Variants in NPSR1 observed in about 807,000 individuals in gnomAD.
The protein encoded by NPSR1 is neuropeptide S receptor.
In NPSR1, 48 loss-of-function variants were observed where a neutral mutation model predicts 46.9. That is an observed-to-expected ratio of 1.02 (90% confidence interval 0.81 to 1.30). The LOEUF (loss-of-function observed/expected upper bound fraction) is 1.30. NPSR1 is among the 50% of genes most tolerant of loss of function. NPSR1 has a pLI of 0.00. For missense variants in NPSR1, 450 were observed against 449.5 expected (o/e 1.00, Z -0.01); for synonymous variants, 176 against 168.1 (o/e 1.05, Z -0.36).
rs181603467 is a variant in NPSR1 at position 34,867,901 on chromosome 7, G to A, written c.1026-10175G>A. 5.9e-3 allele frequency among the ~76,000 whole-genome samples: 894 copies of A among 151,922 alleles called. 36 individuals carry two copies. The highest frequency in any genetic ancestry group is 0.021 in the African/African-American group (847 of 41,200). On this transcript the variant is annotated intron_variant, in intron 8 of 8. Coordinates refer to the NPSR1 transcript ENST00000359791. ...ATAAATAAAGTAATAAGGTATGCCT[G>A]CCCTAAATGGAGAAAGTCCAGCCAG...
chr7:34,811,862 AGGTGAGCT>A lies in NPSR1; in HGVS notation c.478+2_478+9del. On this transcript the variant is annotated splice_donor_variant and splice_donor_5th_base_variant and coding_sequence_variant and intron_variant, in exon 4 of 9. Transcript: ENST00000360581. LOFTEE classifies it high-confidence loss of function. ...TCTACCCCATGAAGTTCCTTCAAGG[AGGTGAGCT>A]GGCTTTACCAGGTGCTCTTTCATAA... 6.2e-7 allele frequency: 1 copy of A among 1,609,690 alleles called. No homozygotes were observed. Among genetic ancestry groups the A allele is most frequent in the Non-Finnish European group, 8.5e-7 (1 of 1,176,622 alleles).
chr7:34,676,031 G>A (rs537864957), intron 1 of NPSR1, among the ~76,000 whole-genome samples: 16 of 152,250 alleles, frequency 1.1e-4, no homozygotes, highest in African/African-American at 3.8e-4. Flanking sequence ...GGTGGGGGGT[G>A]GGTAGGGAGA....
intron 2 of NPSR1, chr7:34,758,397 C>T (rs1248419643): frequency 6.6e-6 from 1 of 152,186 alleles, no homozygotes; most frequent in Non-Finnish European, 1.5e-5. Flanking sequence ...AAAGCCTATA[C>T]TGGTCTGAAC....
rs148259985 is a variant in NPSR1 at position 34,876,771 on chromosome 7, T to C, written c.1026-1305T>C. ...TGAGTCATGACCTCTATGGGACCAC[T>C]TTCCTACTCAGCCTCTGTCTGAGAC... On this transcript the variant is annotated intron_variant, in intron 8 of 8. Coordinates refer to the NPSR1 transcript ENST00000359791. 7.0e-3 allele frequency among the ~76,000 whole-genome samples: 1,061 copies of C among 152,340 alleles called. 18 individuals carry two copies. The highest frequency in any genetic ancestry group is 0.024 in the African/African-American group (1,003 of 41,574).
At chr7:34,853,973 A>C (rs530551926), downstream of NPSR1, among the ~76,000 whole-genome samples, 9 of 151,834 alleles carry the variant, frequency 5.9e-5, no homozygotes, top group East Asian at 3.9e-4. Context: ...CCTGGAAAAA[A>C]AAAAAACAAA....
At chr7:34,811,910 G>T in intron 4 of NPSR1, 47 bp downstream of exon 4, 1 of 1,194,786 alleles carries the variant, frequency 8.4e-7, no homozygotes, top group Non-Finnish European at 1.2e-6. Context: ...CTGTCCTTGA[G>T]TGAGGGTAGG....
intron 2 of NPSR1, among the ~76,000 whole-genome samples, chr7:34,727,279 G>A (rs1250423184): frequency 1.3e-5 from 2 of 152,134 alleles, no homozygotes; most frequent in Non-Finnish European, 2.9e-5. Context: ...CACATGTGCA[G>A]CCTTTTAAAA....
Position 34,834,455 on chromosome 7 carries a change from G to C in NPSR1, c.752G>C (p.Cys251Ser), listed in dbSNP as rs1217772905. 9 of 1,608,554 alleles carry C rather than the reference G, an allele frequency of 5.6e-6. No homozygotes were observed. Among genetic ancestry groups the C allele is most frequent in the Non-Finnish European group, 7.7e-6 (9 of 1,175,148 alleles). Residue 251 changes from cysteine to serine, a missense_variant, in exon 6 of 9, where the codon TGC becomes TCC. Cys to Ser is a moderately radical substitution (Grantham distance 112). Transcript: ENST00000360581. The stretch of plus-strand genomic sequence containing the variant: ...ACCTACGAAACAGTGATTTCCAACT[G>C]CTCAGGTAAGTCTCTACTCTGCATG... The part of the protein sequence containing the change: ...SKTYETVISN[C>S]SDGKLCSSYN...
intron 1 of NPSR1, among the ~76,000 whole-genome samples, chr7:34,679,020 T>C (rs1392216832): frequency 6.6e-6 from 1 of 152,160 alleles, no homozygotes; most frequent in Non-Finnish European, 1.5e-5. Flanking sequence ...TCTTAATTAA[T>C]TTTATTTCTC....
intron 3 of NPSR1, among the ~76,000 whole-genome samples, chr7:34,796,760 G>A (rs191110641): frequency 1.3e-5 from 2 of 152,180 alleles, no homozygotes; most frequent in South Asian, 2.1e-4. Context: ...CCACTTCAGC[G>A]ACAGTTTAGT....
chr7:34,733,270 A>G (rs776398882), intron 2 of NPSR1, among the ~76,000 whole-genome samples: 2 of 152,080 alleles, frequency 1.3e-5, no homozygotes, highest in Admixed American at 1.3e-4. Flanking sequence ...AAATACAAAA[A>G]TTAGCCGGGC....
chr7:34,781,407 T>C lies in NPSR1; in HGVS notation c.384+2842T>C, dbSNP rs1419781. On this transcript the variant is annotated intron_variant, in intron 3 of 8. Coordinates refer to ENST00000360581, the MANE Select transcript of NPSR1 (RefSeq NM_207172.2). ...GCCCATTAAAGAATTTGCAGCAACA[T>C]CGTGAAGGAAAAAATGGAGAATAAC... 4.3e-3 allele frequency among the ~76,000 whole-genome samples: 653 copies of C among 152,046 alleles called. 2 individuals are homozygous for C. The highest frequency in any genetic ancestry group is 0.015 in the African/African-American group (626 of 41,478).
intron 2 of NPSR1, among the ~76,000 whole-genome samples, chr7:34,733,973 G>A (rs1024415612): frequency 6.6e-6 from 1 of 152,190 alleles, no homozygotes; most frequent in African/African-American, 2.4e-5. Context: ...GCTATGCAGA[G>A]GTTAGGGTCA....
chr7:34,720,271 T>TTCC (rs1452376426), intron 2 of NPSR1, among the ~76,000 whole-genome samples: 4 of 127,276 alleles, frequency 3.1e-5, no homozygotes, highest in African/African-American at 1.3e-4. Flanking sequence ...CAGAGCAAGA[T>TTCC]TCCGAGAAAA....
intron 8 of NPSR1, among the ~76,000 whole-genome samples, chr7:34,868,552 T>A (rs1454012495): frequency 6.6e-6 from 1 of 151,650 alleles, no homozygotes; most frequent in Non-Finnish European, 1.5e-5. Context: ...GGCACAGTAG[T>A]GTCTACGCTT....
At chr7:34,837,399 G>T (rs1206725105) in intron 6 of NPSR1, among the ~76,000 whole-genome samples, 3 of 152,214 alleles carry the variant, frequency 2.0e-5, no homozygotes, top group Non-Finnish European at 2.9e-5. Flanking sequence ...TCTCAACACA[G>T]ACAGACAAGT....
chr7:34,861,062 G>A (rs1791181991), intron 8 of NPSR1, among the ~76,000 whole-genome samples: 1 of 151,842 alleles, frequency 6.6e-6, no homozygotes, highest in Admixed American at 6.5e-5. Flanking sequence ...AGCCAATGCT[G>A]ATTGAGGCTT....
At chr7:34,744,998 T>C (rs1399731003) in intron 2 of NPSR1, among the ~76,000 whole-genome samples, 5 of 152,212 alleles carry the variant, frequency 3.3e-5, no homozygotes, top group African/African-American at 1.2e-4. Flanking sequence ...GAATTAAAAG[T>C]AATATAGAGA....
intron 2 of NPSR1, among the ~76,000 whole-genome samples, chr7:34,776,392 C>CAT (rs754559167): frequency 6.6e-6 from 1 of 152,076 alleles, no homozygotes; most frequent in Non-Finnish European, 1.5e-5. Flanking sequence ...GTGTTGGGTG[C>CAT]ATATATATTT....
Sources: gnomAD v4.1 joint callset for allele counts (sites outside exome capture counted in the v4.1 genomes callset) on GRCh38, gnomAD v4.1.1 for gene constraint, MANE v1.5 for transcripts, NCBI Gene and HGNC (gene_info 2026-07-23, HGNC 2026-07-21) for gene names.